TEAD1: variants seen among roughly 807,000 people sequenced by gnomAD.
TEAD1 encodes the protein TEA domain transcription factor 1.
A neutral mutation model predicts 54.9 loss-of-function variants in TEAD1; 9 were observed. The ratio of observed to expected loss-of-function variants is 0.16; its 90% CI spans 0.10 to 0.29. The LOEUF (loss-of-function observed/expected upper bound fraction) is 0.29. Among genes scored for constraint, TEAD1 ranks in the 10% least tolerant of loss-of-function variants. The probability of loss-of-function intolerance (pLI) is 1.00; values close to 1 mark genes in which losing one functional copy is unlikely to be tolerated. For missense variants in TEAD1, 387 were observed against 535.9 expected, an observed-to-expected ratio of 0.72 and a Z score of 2.74; for synonymous variants, 200 against 187.8, an observed-to-expected ratio of 1.07 and a Z score of -0.53.
chr11:12,694,450 C>T (rs929879247), intron 2 of TEAD1, among the ~76,000 whole-genome samples: 2 of 150,518 alleles, frequency 1.3e-5, no homozygotes, highest in Non-Finnish European at 2.9e-5. Flanking sequence ...GTCTTCCTGA[C>T]TTCAGAATCA....
chr11:12,875,671 T>C (rs1294135354), intron 5 of TEAD1, among the ~76,000 whole-genome samples: 1 of 152,200 alleles, frequency 6.6e-6, no homozygotes, highest in Non-Finnish European at 1.5e-5. Flanking sequence ...TTTTAGTCCA[T>C]TTGCAGAAAA....
intron 3 of TEAD1, among the ~76,000 whole-genome samples, chr11:12,823,994 A>G (rs1318271492): frequency 6.6e-6 from 1 of 152,178 alleles, no homozygotes; most frequent in African/African-American, 2.4e-5. Flanking sequence ...GATTGGGGCT[A>G]TTCACTTCTC....
At chr11:12,792,398 A>G (rs1311131052) in intron 3 of TEAD1, among the ~76,000 whole-genome samples, 1 of 151,360 alleles carries the variant, frequency 6.6e-6, no homozygotes, top group African/African-American at 2.4e-5. Flanking sequence ...CTATGAAGAA[A>G]GTTTTGACCT....
intron 12 of TEAD1, among the ~76,000 whole-genome samples, chr11:12,935,349 CA>C (rs1949080904): frequency 1.3e-5 from 2 of 152,272 alleles, no homozygotes; most frequent in African/African-American, 4.8e-5. Context: ...TCATATGAGA[CA>C]ATCTGTGTAA....
intron 3 of TEAD1, among the ~76,000 whole-genome samples, chr11:12,795,070 T>C (rs1323422289): frequency 6.6e-6 from 1 of 152,204 alleles, no homozygotes; most frequent in Non-Finnish European, 1.5e-5. Flanking sequence ...CTCACAGTTC[T>C]GGAGGTGAGA....
At chr11:12,710,206 C>T (rs956512255) in intron 2 of TEAD1, among the ~76,000 whole-genome samples, 2 of 152,048 alleles carry the variant, frequency 1.3e-5, no homozygotes, top group African/African-American at 4.8e-5. Flanking sequence ...CACCTGTAGT[C>T]TCAGCTTCTT....
At chr11:12,881,122 GGA>G in intron 7 of TEAD1, 71 bp downstream of exon 7, 1 of 1,532,790 alleles carries the variant, frequency 6.5e-7, no homozygotes, top group South Asian at 1.1e-5. Flanking sequence ...AGCTCTTCCT[GGA>G]CCATAGTGTC....
At chr11:12,802,719 G>T (rs1360585538) in intron 3 of TEAD1, among the ~76,000 whole-genome samples, 2 of 152,138 alleles carry the variant, frequency 1.3e-5, no homozygotes, top group African/African-American at 4.8e-5. Context: ...CCGGGTCTCA[G>T]GTATTCCAGA....
At chr11:12,820,863 A>G (rs537619565) in intron 3 of TEAD1, among the ~76,000 whole-genome samples, 19 of 152,298 alleles carry the variant, frequency 1.2e-4, no homozygotes, top group African/African-American at 4.1e-4. Context: ...GATGACGAGT[A>G]AGTCTGGAGA....
chr11:12,831,267 T>C (rs1946774570), intron 3 of TEAD1, among the ~76,000 whole-genome samples: 1 of 152,188 alleles, frequency 6.6e-6, no homozygotes. Flanking sequence ...GTTTCTTCCA[T>C]GAATTCTTTC....
chr11:12,703,534 C>T (rs530459329), intron 2 of TEAD1, among the ~76,000 whole-genome samples: 1 of 152,194 alleles, frequency 6.6e-6, no homozygotes. Context: ...CCTCCTTTAC[C>T]TGGAGGGATC....
rs11022477 is a variant in TEAD1, at chr11:12,719,007, G to A, written c.-55+43446G>A. On this transcript the variant is annotated intron_variant, in intron 2 of 12. Coordinates refer to ENST00000527636, the MANE Select transcript of TEAD1 (RefSeq NM_021961.6). ...AAAACTTTGGGGTTTTTTTTTTAGG[G>A]GGGGGAGTCCAAGGGTCTTCTGAAC... 2.2e-3 allele frequency among the ~76,000 whole-genome samples: 338 copies of A among 151,740 alleles called. 1 individual carries two copies. Among genetic ancestry groups the A allele is most frequent in the Non-Finnish European group, 3.3e-3 (225 of 67,902 alleles).
intron 3 of TEAD1, among the ~76,000 whole-genome samples, chr11:12,856,403 G>A (rs1463119956): frequency 6.6e-6 from 1 of 152,166 alleles, no homozygotes; most frequent in East Asian, 1.9e-4. Context: ...GGCTGTGAAT[G>A]TTTAGGGAAA....
intron 10 of TEAD1, among the ~76,000 whole-genome samples, chr11:12,911,372 C>T (rs1948614723): frequency 6.6e-6 from 1 of 152,150 alleles, no homozygotes; most frequent in Non-Finnish European, 1.5e-5. Flanking sequence ...GAATTGTAGA[C>T]CTGAGTCTGT....
At chr11:12,753,239 CTT>C (rs746094781) in intron 2 of TEAD1, among the ~76,000 whole-genome samples, 15 of 152,262 alleles carry the variant, frequency 9.9e-5, no homozygotes, top group Non-Finnish European at 1.9e-4. Context: ...CTATACCTGT[CTT>C]TTGGTGAACA....
chr11:12,812,304 GA>G (rs1011064602), intron 3 of TEAD1, among the ~76,000 whole-genome samples: 4 of 152,108 alleles, frequency 2.6e-5, no homozygotes, highest in African/African-American at 9.7e-5. Flanking sequence ...AGGATTTCAG[GA>G]GTTAATTGGA....
At chr11:12,867,420 A>G (rs145112694) in intron 5 of TEAD1, among the ~76,000 whole-genome samples, 417 of 152,178 alleles carry the variant, frequency 2.7e-3, no homozygotes, top group African/African-American at 9.6e-3. Context: ...TAACTGGGGG[A>G]ATGACATGGT....
At chr11:12,787,431 A>G (rs1468973612) in intron 3 of TEAD1, among the ~76,000 whole-genome samples, 2 of 152,204 alleles carry the variant, frequency 1.3e-5, no homozygotes, top group African/African-American at 2.4e-5. Flanking sequence ...TTGGAGAAAG[A>G]GTAGTGGTGT....
Position 12,768,906 on chromosome 11 carries a change from C to T in TEAD1, c.202+4472C>T, listed in dbSNP as rs550802667. ...GCCTTTTGAAGCCTATTCTTGGCTA[C>T]CAAGGTCGAGGGCACCTGGCCTGTT... is the stretch of plus-strand genomic sequence containing the variant. On this transcript the variant is annotated intron_variant, in intron 3 of 12. Coordinates refer to ENST00000527636, the MANE Select transcript of TEAD1 (RefSeq NM_021961.6). Among the ~76,000 whole-genome samples the T allele has an allele frequency of 3.3e-5, 5 of 152,282 alleles. No homozygotes were observed. The South Asian group carries it at 8.3e-4, about 25-fold the overall frequency.
Sources: allele counts gnomAD v4.1 joint callset (sites outside exome capture counted in the v4.1 genomes callset), GRCh38; gene constraint gnomAD v4.1.1; transcripts MANE v1.5; gene names NCBI Gene and HGNC (gene_info 2026-07-23, HGNC 2026-07-21).